The following RPS6KA2 variants were observed in gnomAD, a reference collection of about 807,000 sequenced individuals.
RPS6KA2 encodes ribosomal protein S6 kinase alpha-2.
In RPS6KA2, 42 loss-of-function variants were observed where a neutral mutation model predicts 91.8. The ratio of observed to expected loss-of-function variants is 0.46; its 90% CI spans 0.36 to 0.59. The LOEUF (loss-of-function observed/expected upper bound fraction) is 0.59, where lower values mean the gene tolerates loss of function less well. Among genes scored for constraint, RPS6KA2 ranks in the 20% least tolerant of loss-of-function variants. The pLI, the probability that RPS6KA2 is intolerant of heterozygous loss-of-function variation, is 0.00. For synonymous variants in RPS6KA2, 414 were observed against 393.6 expected (o/e 1.05, Z -0.61); for missense variants, 798 against 978.5 (o/e 0.82, Z 2.46).
At chr6:166,728,089 G>C (rs553467654) in intron 2 of RPS6KA2, among the ~76,000 whole-genome samples, 12 of 152,318 alleles carry the variant, frequency 7.9e-5, no homozygotes, top group African/African-American at 2.6e-4. Context: ...GATAATTACA[G>C]AATACAGAAG....
chr6:166,478,298 C>T (rs1038050501), intron 10 of RPS6KA2, among the ~76,000 whole-genome samples: 1 of 152,188 alleles, frequency 6.6e-6, no homozygotes, highest in Non-Finnish European at 1.5e-5. Context: ...AATGACAAGG[C>T]AGAGACTACA....
chr6:166,525,631 G>T (rs1473117963), intron 3 of RPS6KA2, among the ~76,000 whole-genome samples: 1 of 152,214 alleles, frequency 6.6e-6, no homozygotes, highest in Non-Finnish European at 1.5e-5. Flanking sequence ...GGAGAAACAA[G>T]CTGGAGTTTC....
In RPS6KA2 at chr6:166,493,630, A is replaced by G. The variant is rs889072567; in HGVS notation, c.748-2889T>C. Among the ~76,000 whole-genome samples the G allele has an allele frequency of 6.6e-6, 1 of 151,884 alleles. No individual in the cohort carries two copies. The highest frequency in any genetic ancestry group is 2.4e-5 in the African/African-American group (1 of 41,310). ...CTGCAGACAGGCACAGAGGGGCTCA[A>G]GGAGATGTAGCCAAAGCTCCACCGG... is the stretch of plus-strand genomic sequence containing the variant. On this transcript the variant is annotated intron_variant, in intron 8 of 20. Coordinates refer to ENST00000265678, the MANE Select transcript of RPS6KA2 (RefSeq NM_021135.6). The surrounding 1 kb of genome is among the most constrained non-coding windows in gnomAD (Gnocchi z 4.7).
At chr6:166,467,161 AACTC>A (rs200282408) in intron 11 of RPS6KA2, among the ~76,000 whole-genome samples, 1,419 of 119,836 alleles carry the variant, frequency 0.012, 27 homozygotes, top group African/African-American at 0.041. Context: ...CTCACTCATT[AACTC>A]ACTCACTCAC....
intron 2 of RPS6KA2, chr6:166,701,561 G>T: frequency 6.9e-7 from 1 of 1,447,338 alleles, no homozygotes; most frequent in Non-Finnish European, 9.7e-7. Context: ...TGCTGGCCCT[G>T]CTTGCTGATG....
At chr6:166,702,349 G>C in intron 2 of RPS6KA2, 1 of 1,611,814 alleles carries the variant, frequency 6.2e-7, no homozygotes. Context: ...GGTTTTGCTG[G>C]GTGGCCATTT....
chr6:166,849,579 G>A lies in RPS6KA2; in HGVS notation c.123+8621C>T, dbSNP rs146722774. Among the ~76,000 whole-genome samples the A allele has an allele frequency of 1.2e-3, 189 of 152,254 alleles. No individual in the cohort carries two copies. The highest frequency in any genetic ancestry group is 4.3e-3 in the African/African-American group (180 of 41,532). ...GGAGGACCCCAGGCCACCCCCGCCC[G>A]TGGAAATCCATGAGACCGTTCATCG... On this transcript the variant is annotated intron_variant, in intron 2 of 21. Coordinates refer to the RPS6KA2 transcript ENST00000503859. The surrounding 1 kb of genome is among the most constrained non-coding windows in gnomAD (Gnocchi z 4.9).
chr6:166,555,983 T>G (rs1480701629), intron 1 of RPS6KA2, among the ~76,000 whole-genome samples: 2 of 152,004 alleles, frequency 1.3e-5, no homozygotes, highest in African/African-American at 4.8e-5. Flanking sequence ...GGGAAAACAG[T>G]TGGGGCAGTG....
Position 166,648,735 on chromosome 6 carries a change from C to T in RPS6KA2, c.124-109951G>A, listed in dbSNP as rs1019451983. Among the ~76,000 whole-genome samples, 5 of 152,304 alleles carry T rather than the reference C, an allele frequency of 3.3e-5. No individual in the cohort carries two copies. In the South Asian group the frequency reaches 6.2e-4, roughly 19 times the overall value. ...ACTCCGATCTGTATTACAGTGATTA[C>T]TCCGGCGTCTGCATCTCGTCCTGAG... On this transcript the variant is annotated intron_variant, in intron 2 of 21. Coordinates refer to the RPS6KA2 transcript ENST00000503859. This position sits in a 1 kb window ranked among gnomAD's most constrained non-coding sequence, Gnocchi z 4.8.
At chr6:166,614,305 C>T (rs1786316510) in intron 1 of RPS6KA2, among the ~76,000 whole-genome samples, 2 of 152,352 alleles carry the variant, frequency 1.3e-5, no homozygotes, top group Middle Eastern at 3.4e-3. Context: ...CTCTGGAATG[C>T]CATGTGGACA....
At chr6:166,686,181 T>C (rs533721301) in intron 2 of RPS6KA2, among the ~76,000 whole-genome samples, 34 of 152,208 alleles carry the variant, frequency 2.2e-4, no homozygotes, top group Non-Finnish European at 3.8e-4. Flanking sequence ...TATGCTCATG[T>C]AAGGTCGGTC....
In RPS6KA2 at chr6:166,633,367, T is replaced by A. The variant is rs199881188; in HGVS notation, c.124-94583A>T. ...ATGGGATGCTCAGAGCTAGCAGTAC[T>A]TTGGGCCCATGAGGTCATGCTAAGC... On this transcript the variant is annotated intron_variant, in intron 2 of 21. Coordinates refer to the RPS6KA2 transcript ENST00000503859. 3.3e-5 allele frequency among the ~76,000 whole-genome samples: 5 copies of A among 152,234 alleles called. No individual in the cohort carries two copies. In the East Asian group the frequency reaches 9.6e-4, roughly 29 times the overall value.
Position 166,554,909 on chromosome 6 carries a change from C to T in RPS6KA2, c.100-16125G>A, listed in dbSNP as rs762546465. 2.6e-5 allele frequency among the ~76,000 whole-genome samples: 4 copies of T among 152,164 alleles called. No individual in the cohort carries two copies. In the South Asian group the frequency reaches 6.2e-4, roughly 24 times the overall value. ...AAGGTCAATTGGTAATTTACAAAACCTGATTTTGAGATGACTTTAGGAAAT... is the reference window on the plus strand; with the variant it reads ...AAGGTCAATTGGTAATTTACAAAACTTGATTTTGAGATGACTTTAGGAAAT... On this transcript the variant is annotated intron_variant, in intron 1 of 20. Coordinates refer to ENST00000265678, the MANE Select transcript of RPS6KA2 (RefSeq NM_021135.6). The surrounding 1 kb of genome is among the most constrained non-coding windows in gnomAD (Gnocchi z 4.3).
intron 2 of RPS6KA2, among the ~76,000 whole-genome samples, chr6:166,696,590 A>G (rs1452799725): frequency 6.6e-6 from 1 of 152,174 alleles, no homozygotes; most frequent in African/African-American, 2.4e-5. Flanking sequence ...TTCTACGTCA[A>G]CTTGACAGGG....
intron 2 of RPS6KA2, among the ~76,000 whole-genome samples, chr6:166,774,336 T>A (rs1351682292): frequency 4.6e-5 from 7 of 152,234 alleles, no homozygotes; most frequent in Admixed American, 4.6e-4. Flanking sequence ...ATAGACTCGA[T>A]ATCAGCTATG....
Position 166,635,416 on chromosome 6 carries a change from G to A in RPS6KA2, c.124-96632C>T, listed in dbSNP as rs568461965. Among the ~76,000 whole-genome samples the A allele has an allele frequency of 6.6e-6, 1 of 152,356 alleles. No homozygotes were observed. The highest frequency in any genetic ancestry group is 2.1e-4 in the South Asian group (1 of 4,828). ...CTTTAGAGGGGAGAGAAAGCCCTACGGGAGCCCCCAGAGGAGCCCTTAGTC... is the reference window on the plus strand; with the variant it reads ...CTTTAGAGGGGAGAGAAAGCCCTACAGGAGCCCCCAGAGGAGCCCTTAGTC... On this transcript the variant is annotated intron_variant, in intron 2 of 21. Transcript: ENST00000503859. The surrounding 1 kb of genome is among the most constrained non-coding windows in gnomAD (Gnocchi z 4.8).
At chr6:166,481,482 G>A (rs1389700280) in intron 10 of RPS6KA2, among the ~76,000 whole-genome samples, 1 of 151,846 alleles carries the variant, frequency 6.6e-6, no homozygotes, top group South Asian at 2.1e-4. Context: ...AGATAGTAGA[G>A]TGTACGTATA....
At chr6:166,840,699 G>A (rs55850205) in intron 2 of RPS6KA2, among the ~76,000 whole-genome samples, 2,785 of 152,298 alleles carry the variant, frequency 0.018, 79 homozygotes, top group African/African-American at 0.063. Context: ...TGGGCCGGGC[G>A]TGGTGGCTCA....
At chr6:166,683,640 C>T (rs1022628354) in intron 2 of RPS6KA2, among the ~76,000 whole-genome samples, 2 of 152,206 alleles carry the variant, frequency 1.3e-5, no homozygotes, top group African/African-American at 2.4e-5. Flanking sequence ...CGTGCTTCCC[C>T]GCCAAGGAAA....
Sources: allele counts gnomAD v4.1 joint callset (sites outside exome capture counted in the v4.1 genomes callset), GRCh38; gene constraint gnomAD v4.1.1; non-coding constraint Gnocchi (gnomAD v3.1); transcripts MANE v1.5; gene names NCBI Gene and HGNC (gene_info 2026-07-23, HGNC 2026-07-21).